UBE2E2: variants seen among roughly 807,000 people sequenced by gnomAD.
UBE2E2 encodes the protein ubiquitin conjugating enzyme E2 E2, also known as ubiquitin-conjugating enzyme E2 E2.
UBE2E2 carries 6 observed loss-of-function variants against 24.7 expected under a neutral mutation model. That is an observed-to-expected ratio of 0.24 (90% CI 0.13 to 0.48). The LOEUF (loss-of-function observed/expected upper bound fraction) is 0.48. UBE2E2 is among the 20% of genes least tolerant of loss of function. The pLI, the probability that UBE2E2 is intolerant of heterozygous loss-of-function variation, is 0.99. For missense variants in UBE2E2, 169 were observed against 245.0 expected (o/e 0.69, Z 2.07); for synonymous variants, 104 against 83.6 (o/e 1.24, Z -1.33).
chr3:23,495,550 T>C (rs1699581974), intron 3 of UBE2E2, among the ~76,000 whole-genome samples: 1 of 152,258 alleles, frequency 6.6e-6, no homozygotes, highest in Non-Finnish European at 1.5e-5. Flanking sequence ...ACTTTTTAAC[T>C]GAATTTATTC....
intron 3 of UBE2E2, among the ~76,000 whole-genome samples, chr3:23,400,469 T>G (rs1697191092): frequency 6.6e-6 from 1 of 152,130 alleles, no homozygotes; most frequent in Non-Finnish European, 1.5e-5. Context: ...TGTGCCCAGC[T>G]CTGCCCATTT....
chr3:23,230,709 C>T (rs998979661), intron 3 of UBE2E2, among the ~76,000 whole-genome samples: 2 of 151,446 alleles, frequency 1.3e-5, no homozygotes, highest in African/African-American at 2.4e-5. Flanking sequence ...TCACTTGAAC[C>T]TGGGAGGCAG....
intron 3 of UBE2E2, among the ~76,000 whole-genome samples, chr3:23,272,897 C>T (rs113744043): frequency 1.2e-4 from 18 of 152,146 alleles, no homozygotes; most frequent in East Asian, 1.9e-4. Context: ...GTTTGAGTCC[C>T]GAAGCAGGAA....
intron 3 of UBE2E2, among the ~76,000 whole-genome samples, chr3:23,398,081 G>A (rs1414716360): frequency 6.6e-6 from 1 of 152,134 alleles, no homozygotes; most frequent in African/African-American, 2.4e-5. Context: ...GGGAGGCCAA[G>A]GCTGGTGGAT....
chr3:23,556,358 G>T (rs1340387087), intron 5 of UBE2E2, among the ~76,000 whole-genome samples: 1 of 145,954 alleles, frequency 6.9e-6, no homozygotes. Flanking sequence ...GGCCAGGATG[G>T]TCTCAATCTC....
intron 3 of UBE2E2, among the ~76,000 whole-genome samples, chr3:23,303,214 C>T (rs1465357931): frequency 6.6e-6 from 1 of 151,930 alleles, no homozygotes; most frequent in Non-Finnish European, 1.5e-5. Context: ...CAGATGGGGA[C>T]CATCTAGTTG....
intron 5 of UBE2E2, among the ~76,000 whole-genome samples, chr3:23,550,185 G>T (rs191703508): frequency 1.3e-5 from 2 of 152,190 alleles, no homozygotes; most frequent in Non-Finnish European, 2.9e-5. Context: ...TTGATTTAAT[G>T]ATTTTAATTT....
At chr3:23,357,701 C>G (rs372265301) in intron 3 of UBE2E2, among the ~76,000 whole-genome samples, 1 of 152,084 alleles carries the variant, frequency 6.6e-6, no homozygotes, top group East Asian at 1.9e-4. Context: ...AAAAGAAATA[C>G]AGAAAGCTTA....
intron 3 of UBE2E2, among the ~76,000 whole-genome samples, chr3:23,304,325 G>A (rs1699185261): frequency 1.3e-5 from 2 of 152,076 alleles, no homozygotes; most frequent in Non-Finnish European, 2.9e-5. Flanking sequence ...ATTAAAATTA[G>A]CAGTTAAGTT....
At chr3:23,382,212 C>T (rs1204488018) in intron 3 of UBE2E2, among the ~76,000 whole-genome samples, 3 of 114,790 alleles carry the variant, frequency 2.6e-5, no homozygotes, top group Non-Finnish European at 4.9e-5. Context: ...GACGAAGTCT[C>T]GCTCTGTAGC....
intron 2 of UBE2E2, among the ~76,000 whole-genome samples, chr3:23,214,763 T>A (rs1029706321): frequency 6.6e-5 from 10 of 152,082 alleles, no homozygotes; most frequent in African/African-American, 2.4e-4. Context: ...ATGTTTCTGA[T>A]AACAAAGTAA....
chr3:23,484,204 A>G (rs186405382), intron 3 of UBE2E2, among the ~76,000 whole-genome samples: 1 of 152,074 alleles, frequency 6.6e-6, no homozygotes, highest in Admixed American at 6.5e-5. Context: ...TTATCTCCCT[A>G]TACCAGTTAA....
At chr3:23,257,512 G>GCC (rs5847227) in intron 3 of UBE2E2, among the ~76,000 whole-genome samples, 37 of 31,148 alleles carry the variant, frequency 1.2e-3, no homozygotes, top group African/African-American at 1.9e-3. Flanking sequence ...TGTTTCCCGT[G>GCC]CCCCCCCCCC....
rs534733137 is a variant in UBE2E2, at chr3:23,474,461, C to A, written c.228-25147C>A. On this transcript the variant is annotated intron_variant, in intron 3 of 5. Transcript: ENST00000396703. This position sits in a 1 kb window ranked among gnomAD's most constrained non-coding sequence, Gnocchi z 4.0. ...CGTGCAGATTTCAGACACAAATACA[C>A]GTTATTGTACATTTCTAATAATCTA... 6.6e-6 allele frequency among the ~76,000 whole-genome samples: 1 copy of A among 151,932 alleles called. No homozygotes were observed. Among genetic ancestry groups the A allele is most frequent in the South Asian group, 2.1e-4 (1 of 4,812 alleles).
chr3:23,431,597 G>A (rs1177251229), intron 3 of UBE2E2, among the ~76,000 whole-genome samples: 2 of 152,066 alleles, frequency 1.3e-5, no homozygotes, highest in Non-Finnish European at 2.9e-5. Context: ...TAATAGAGCT[G>A]TCTTATAAGT....
intron 3 of UBE2E2, among the ~76,000 whole-genome samples, chr3:23,327,254 C>T (rs1694926133): frequency 6.6e-6 from 1 of 152,340 alleles, no homozygotes; most frequent in Middle Eastern, 3.4e-3. Context: ...ACCACACTGT[C>T]TTCCACAATG....
chr3:23,389,305 T>C (rs1696882272), intron 3 of UBE2E2, among the ~76,000 whole-genome samples: 1 of 152,214 alleles, frequency 6.6e-6, no homozygotes, highest in Admixed American at 6.5e-5. Flanking sequence ...TGTGCTTCCT[T>C]ATTGTCATGG....
chr3:23,234,345 A>T (rs1697049366), intron 3 of UBE2E2, among the ~76,000 whole-genome samples: 1 of 152,066 alleles, frequency 6.6e-6, no homozygotes, highest in Non-Finnish European at 1.5e-5. Context: ...GATTTTGGTA[A>T]ATTTTGGTTG....
intron 2 of UBE2E2, among the ~76,000 whole-genome samples, 177 bp from the exon 3 acceptor site, chr3:23,217,085 C>G (rs1277604429): frequency 6.6e-6 from 1 of 152,118 alleles, no homozygotes; most frequent in African/African-American, 2.4e-5. Flanking sequence ...GATGCATCCT[C>G]AAAACCCTGG....
Sources: allele counts gnomAD v4.1 joint callset (sites outside exome capture counted in the v4.1 genomes callset), GRCh38; gene constraint gnomAD v4.1.1; non-coding constraint Gnocchi (gnomAD v3.1); transcripts MANE v1.5; gene names NCBI Gene and HGNC (gene_info 2026-07-23, HGNC 2026-07-21).